Variants in MEIS1 observed in about 807,000 individuals in gnomAD.
MEIS1 encodes homeobox protein Meis1.
MEIS1 carries 5 observed loss-of-function variants against 50.8 expected under a neutral mutation model. The ratio of observed to expected loss-of-function variants is 0.10; its 90% CI spans 0.05 to 0.21. The LOEUF (loss-of-function observed/expected upper bound fraction) is 0.21, where lower values mean the gene tolerates loss of function less well. Among genes scored for constraint, MEIS1 ranks in the 10% least tolerant of loss-of-function variants. MEIS1 has a pLI of 1.00. For synonymous variants in MEIS1, 176 were observed against 179.3 expected, an observed-to-expected ratio of 0.98 and a Z score of 0.15; for missense variants, 318 against 517.3, an observed-to-expected ratio of 0.61 and a Z score of 3.74.
chr2:66,467,872 A>G (rs563887424), intron 7 of MEIS1, among the ~76,000 whole-genome samples: 2 of 152,120 alleles, frequency 1.3e-5, no homozygotes, highest in Non-Finnish European at 2.9e-5. Context: ...AGGGCCTCAC[A>G]TCTGTGTTTG....
intron 7 of MEIS1, among the ~76,000 whole-genome samples, chr2:66,483,916 T>C (rs946691332): frequency 2.0e-5 from 3 of 152,224 alleles, no homozygotes; most frequent in African/African-American, 7.2e-5. Flanking sequence ...CTTGTGTCTC[T>C]GGTCTCATCT....
At chr2:66,549,618 A>C (rs995092987) in intron 9 of MEIS1, among the ~76,000 whole-genome samples, 1 of 152,120 alleles carries the variant, frequency 6.6e-6, no homozygotes, top group African/African-American at 2.4e-5. Context: ...TTAAAACTTA[A>C]AGCTGATGTT....
chr2:66,468,045 T>C (rs551754126), intron 7 of MEIS1, among the ~76,000 whole-genome samples: 2 of 152,322 alleles, frequency 1.3e-5, no homozygotes, highest in South Asian at 2.1e-4. Flanking sequence ...CTCAGAAATA[T>C]TGAAGAGTAA....
chr2:66,506,027 A>G (rs1222093255), intron 7 of MEIS1, among the ~76,000 whole-genome samples: 2 of 152,370 alleles, frequency 1.3e-5, no homozygotes, highest in Non-Finnish European at 2.9e-5. Context: ...AGCGAAAAAG[A>G]TACATTCATT....
chr2:66,533,190 G>A (rs1186576924), intron 8 of MEIS1, among the ~76,000 whole-genome samples: 3 of 152,004 alleles, frequency 2.0e-5, no homozygotes, highest in Non-Finnish European at 4.4e-5. Context: ...TGTGGTGCTC[G>A]TCCCCTGCCA....
intron 7 of MEIS1, among the ~76,000 whole-genome samples, chr2:66,511,097 G>A (rs1216045426): frequency 6.6e-6 from 1 of 152,156 alleles, no homozygotes; most frequent in African/African-American, 2.4e-5. Flanking sequence ...TAAGAGAACG[G>A]TTGACCGAGC....
At chr2:66,544,131 C>G (rs932925079) in intron 8 of MEIS1, among the ~76,000 whole-genome samples, 1 of 152,214 alleles carries the variant, frequency 6.6e-6, no homozygotes, top group Admixed American at 6.5e-5. Flanking sequence ...TACTCTTTAT[C>G]TCTTTTGCAA....
intron 7 of MEIS1, among the ~76,000 whole-genome samples, chr2:66,484,835 C>T (rs1294918327): frequency 6.6e-6 from 1 of 152,152 alleles, no homozygotes; most frequent in Non-Finnish European, 1.5e-5. Flanking sequence ...GCTGGGATTA[C>T]AGGCATGAGC....
intron 7 of MEIS1, among the ~76,000 whole-genome samples, chr2:66,476,704 C>T (rs750028618): frequency 7.9e-5 from 12 of 152,164 alleles, no homozygotes; most frequent in Non-Finnish European, 1.2e-4. Flanking sequence ...TAATGGATCA[C>T]AGCACCCTTG....
intron 2 of MEIS1, chr2:66,438,954 A>T (rs1433309810): frequency 6.6e-6 from 1 of 152,064 alleles, no homozygotes; most frequent in African/African-American, 2.4e-5. Context: ...GGGACAGAAC[A>T]TTTGGGGAAG....
intron 10 of MEIS1, chr2:66,567,977 C>A (rs1374136294): frequency 8.5e-6 from 2 of 234,630 alleles, no homozygotes; most frequent in Non-Finnish European, 1.7e-5. Flanking sequence ...GCTTTAATAA[C>A]CCAAGGCAGC....
At chr2:66,485,833 C>A (rs2103795297) in intron 7 of MEIS1, among the ~76,000 whole-genome samples, 1 of 152,336 alleles carries the variant, frequency 6.6e-6, no homozygotes, top group East Asian at 1.9e-4. Flanking sequence ...TTTTGATTTG[C>A]ATTCCTCTAA....
intron 7 of MEIS1, among the ~76,000 whole-genome samples, chr2:66,487,604 ATTGGTTATGTGTAT>A (rs1673174372): frequency 6.6e-6 from 1 of 152,172 alleles, no homozygotes; most frequent in African/African-American, 2.4e-5. Context: ...ATTTTAAGTA[ATTGGTTATGTGTAT>A]TTCATTCTGG....
intron 6 of MEIS1, among the ~76,000 whole-genome samples, chr2:66,460,336 G>GT: frequency 6.6e-6 from 1 of 152,268 alleles, no homozygotes; most frequent in East Asian, 1.9e-4. Flanking sequence ...CCAGATGCCA[G>GT]TAAGATTGCC....
intron 7 of MEIS1, among the ~76,000 whole-genome samples, chr2:66,507,201 G>C (rs946462028): frequency 6.6e-6 from 1 of 152,064 alleles, no homozygotes; most frequent in Non-Finnish European, 1.5e-5. Context: ...AGGCACAATC[G>C]AATTTATGCA....
At chr2:66,474,585 T>C in intron 7 of MEIS1, among the ~76,000 whole-genome samples, 1 of 152,206 alleles carries the variant, frequency 6.6e-6, no homozygotes, top group East Asian at 1.9e-4. Flanking sequence ...AAAAAAAATG[T>C]AGGCATGGTC....
In MEIS1 at chr2:66,437,825, A is replaced by G. The variant is rs565471424; in HGVS notation, c.101A>G (p.Gln34Arg). The change falls in exon 2 of 13, where the codon CAG becomes CGG. Residue 34 changes from glutamine to arginine, a missense_variant. By Grantham distance (43) the Gln-to-Arg change is conservative. This residue lies in a region of MEIS1 where 100 missense variants were observed against 107.1 expected (regional missense o/e 0.93). Coordinates refer to ENST00000272369, the MANE Select transcript of MEIS1 (RefSeq NM_002398.3). The part of the protein sequence containing the change: ...YGDPHAARSM[Q>R]PVHHLNHGPP... ...GACCCGCATGCAGCCAGGTCCATGCAGCCGGTCCACCACCTGAACCACGGG... is the reference window on the plus strand; with the variant it reads ...GACCCGCATGCAGCCAGGTCCATGCGGCCGGTCCACCACCTGAACCACGGG... 1 of 1,613,994 alleles carries G rather than the reference A, an allele frequency of 6.2e-7. No homozygotes were observed. The highest frequency in any genetic ancestry group is 1.1e-5 in the South Asian group (1 of 91,060).
Position 66,440,749 on chromosome 2 carries a change from T to C in MEIS1, c.432+137T>C, listed in dbSNP as rs1036847190. The C allele has an allele frequency of 1.4e-5, 9 of 628,814 alleles. No individual in the cohort carries two copies. In the Admixed American group the frequency reaches 2.0e-4, roughly 14 times the overall value. The allele number at this position is 628,814 out of a possible 1,614,324, so 39.0% of individuals were successfully genotyped here. A position where few individuals can be genotyped will look rare whatever the true frequency, so the allele number is the denominator to read the frequency against. On this transcript the variant is annotated intron_variant, in intron 4 of 12. Transcript: ENST00000272369. ...CCTGCAGGTTGGCTGCAAATGTTTC[T>C]GTACACGGACAACTGGTCCGGGACA... is the stretch of plus-strand genomic sequence containing the variant.
At position 66,440,550 on chromosome 2, in the gene MEIS1, A is replaced by C; in HGVS notation, c.382-12A>C. The C allele has an allele frequency of 6.2e-7, 1 of 1,608,532 alleles. No homozygotes were observed. ...CCCCTCCCTCTCCCCTCTCCTTCTC[A>C]CTTGTATTTAGATTCGCGCAGAAAA... On this transcript the variant is annotated splice_polypyrimidine_tract_variant and intron_variant, in intron 3 of 12. Coordinates refer to ENST00000272369, the MANE Select transcript of MEIS1 (RefSeq NM_002398.3).
Sources: gnomAD v4.1 joint callset for allele counts (sites outside exome capture counted in the v4.1 genomes callset) on GRCh38, gnomAD v4.1.1 for gene constraint, gnomAD v4.1.1 regional missense constraint, MANE v1.5 for transcripts, NCBI Gene and HGNC (gene_info 2026-07-23, HGNC 2026-07-21) for gene names.